The following FHIT variants were observed in gnomAD, a reference collection of about 807,000 sequenced individuals.
FHIT encodes the protein bis(5'-adenosyl)-triphosphatase.
In FHIT, 19 loss-of-function variants were observed where a neutral mutation model predicts 17.9. That is an observed-to-expected ratio of 1.06 (90% CI 0.74 to 1.56). FHIT has a LOEUF of 1.56. Ranked by LOEUF, FHIT falls within the 40% of genes most tolerant of loss-of-function variation. The pLI is 0.00. For synonymous variants in FHIT, 81 were observed against 69.7 expected, an observed-to-expected ratio of 1.16 and a Z score of -0.81; for missense variants, 248 against 189.2, an observed-to-expected ratio of 1.31 and a Z score of -1.82.
intron 5 of FHIT, among the ~76,000 whole-genome samples, chr3:60,278,778 A>C (rs1487666693): frequency 1.3e-5 from 2 of 152,202 alleles, no homozygotes; most frequent in East Asian, 1.9e-4. Flanking sequence ...TTTCAACAAC[A>C]AAAATAAGGC....
chr3:60,745,676 T>C (rs2042342192), intron 4 of FHIT, among the ~76,000 whole-genome samples: 1 of 152,236 alleles, frequency 6.6e-6, no homozygotes, highest in South Asian at 2.1e-4. Flanking sequence ...TTGGATGGTA[T>C]GGCGCTAGAG....
chr3:61,235,474 T>C (rs775078498), intron 1 of FHIT, among the ~76,000 whole-genome samples: 9 of 152,182 alleles, frequency 5.9e-5, no homozygotes, highest in Non-Finnish European at 5.9e-5. Context: ...AATTTTTATG[T>C]GCAGATAGAT....
At chr3:59,877,766 A>G (rs767887312) in intron 8 of FHIT, among the ~76,000 whole-genome samples, 25 of 152,242 alleles carry the variant, frequency 1.6e-4, no homozygotes, top group Non-Finnish European at 2.2e-4. Context: ...ATATCTCTCC[A>G]TATGTTTCCT....
intron 4 of FHIT, among the ~76,000 whole-genome samples, chr3:60,566,021 C>T (rs981109409): frequency 6.6e-6 from 1 of 152,042 alleles, no homozygotes; most frequent in Non-Finnish European, 1.5e-5. Context: ...TTTATGTACC[C>T]AGTAGTCATT....
At chr3:60,516,646 T>A (rs1223323702) in intron 5 of FHIT, among the ~76,000 whole-genome samples, 1 of 152,230 alleles carries the variant, frequency 6.6e-6, no homozygotes, top group African/African-American at 2.4e-5. Context: ...AGTACCCACC[T>A]GATAGGTTTG....
chr3:60,804,798 A>T (rs1553733469), intron 4 of FHIT, among the ~76,000 whole-genome samples: 5 of 152,268 alleles, frequency 3.3e-5, no homozygotes, highest in Non-Finnish European at 2.9e-5. Flanking sequence ...GCCCTGTATG[A>T]CTAAATCTCA....
chr3:60,929,068 A>C (rs1328617188), intron 3 of FHIT, among the ~76,000 whole-genome samples: 4 of 152,228 alleles, frequency 2.6e-5, no homozygotes, highest in African/African-American at 9.6e-5. Context: ...AACATACGCA[A>C]ATCAATAAAC....
At chr3:60,334,628 A>G (rs60132759) in intron 5 of FHIT, among the ~76,000 whole-genome samples, 26,067 of 152,188 alleles carry the variant, frequency 0.17, 2,436 homozygotes, top group African/African-American at 0.23. Flanking sequence ...TCTAACAAAA[A>G]TACAAAATAT....
intron 5 of FHIT, among the ~76,000 whole-genome samples, chr3:60,292,532 T>A (rs573893683): frequency 3.9e-5 from 6 of 152,306 alleles, no homozygotes; most frequent in African/African-American, 1.4e-4. Flanking sequence ...TTAGTCCTGC[T>A]CTAAGAAAGC....
intron 5 of FHIT, among the ~76,000 whole-genome samples, chr3:60,179,686 T>TA (rs552143665): frequency 0.061 from 8,911 of 147,220 alleles, 492 homozygotes; most frequent in African/African-American, 0.15. Flanking sequence ...TGTAAGTGTG[T>TA]AAAAAAAAAA....
intron 5 of FHIT, among the ~76,000 whole-genome samples, chr3:60,492,276 A>T (rs900992077): frequency 6.6e-6 from 1 of 152,236 alleles, no homozygotes; most frequent in Non-Finnish European, 1.5e-5. Context: ...AACATTCAGC[A>T]TTTAAAATAT....
At chr3:61,216,808 G>C (rs971298532) in intron 1 of FHIT, among the ~76,000 whole-genome samples, 3 of 152,124 alleles carry the variant, frequency 2.0e-5, no homozygotes, top group Non-Finnish European at 4.4e-5. Context: ...GGAATACTAT[G>C]CATCCATAAA....
chr3:60,101,638 A>T (rs975929612), intron 5 of FHIT, among the ~76,000 whole-genome samples: 56 of 152,282 alleles, frequency 3.7e-4, no homozygotes, highest in African/African-American at 1.3e-3. Context: ...ATGTAATTCC[A>T]TGAGGGCACA....
intron 8 of FHIT, among the ~76,000 whole-genome samples, chr3:59,762,846 A>G (rs1456675324): frequency 6.6e-6 from 1 of 152,174 alleles, no homozygotes; most frequent in Non-Finnish European, 1.5e-5. Context: ...GTGGGTAGAA[A>G]ACTGGTGAGG....
chr3:59,835,431 G>A (rs995971497), intron 8 of FHIT, among the ~76,000 whole-genome samples: 15 of 151,994 alleles, frequency 9.9e-5, no homozygotes, highest in African/African-American at 3.1e-4. Context: ...GTCTTTGTGC[G>A]AACCATTTCT....
At chr3:61,051,950 T>C (rs17635382) in intron 2 of FHIT, among the ~76,000 whole-genome samples, 5,731 of 152,242 alleles carry the variant, frequency 0.038, 158 homozygotes, top group Non-Finnish European at 0.061. Flanking sequence ...CATCAGAAGA[T>C]AGAAGATGGA....
intron 8 of FHIT, among the ~76,000 whole-genome samples, chr3:59,757,333 T>C (rs1207837258): frequency 1.3e-5 from 2 of 152,182 alleles, no homozygotes; most frequent in African/African-American, 4.8e-5. Flanking sequence ...AAACAAAAAA[T>C]CTATCTTCAG....
intron 7 of FHIT, among the ~76,000 whole-genome samples, chr3:59,952,471 C>T (rs898777014): frequency 1.3e-5 from 2 of 152,184 alleles, no homozygotes; most frequent in Admixed American, 1.3e-4. Flanking sequence ...GCCAATGTGA[C>T]ACGCCACTTC....
chr3:59,986,069 A>C (rs1708886438), intron 7 of FHIT, among the ~76,000 whole-genome samples: 1 of 151,982 alleles, frequency 6.6e-6, no homozygotes, highest in Non-Finnish European at 1.5e-5. Context: ...GTCAAGGAAT[A>C]CTCCATTTTA....
Sources: gnomAD v4.1 joint callset for allele counts (sites outside exome capture counted in the v4.1 genomes callset) on GRCh38, gnomAD v4.1.1 for gene constraint, MANE v1.5 for transcripts, NCBI Gene and HGNC (gene_info 2026-07-23, HGNC 2026-07-21) for gene names.